The following TKFC variants were observed in gnomAD, a reference collection of about 807,000 sequenced individuals.
The protein encoded by TKFC is triokinase/FMN cyclase.
Under a neutral mutation model 61.0 loss-of-function variants are expected in TKFC, and 46 were observed. The observed-to-expected ratio is 0.75, with a 90% CI of 0.60 to 0.96. The LOEUF is 0.96. TKFC is among the 50% of genes least tolerant of loss of function. The pLI is 0.00. For synonymous variants in TKFC, 314 were observed against 330.1 expected (o/e 0.95, Z 0.53); for missense variants, 715 against 777.5 (o/e 0.92, Z 0.96).
chr11:61,349,758 C>G (rs1039130122), downstream of TKFC: 1 of 658,944 alleles, frequency 1.5e-6, no homozygotes, highest in African/African-American at 1.8e-5. Context: ...CCGCCACTCC[C>G]CCTTTCTGCA....
chr11:61,352,098 A>G (rs1021167361), downstream of TKFC: 1 of 152,248 alleles, frequency 6.6e-6, no homozygotes. Flanking sequence ...CCAAAGTTGC[A>G]TAACTAGTAA....
downstream of TKFC, chr11:61,350,251 G>A (rs756810006): frequency 5.2e-5 from 55 of 1,052,618 alleles, no homozygotes; most frequent in Non-Finnish European, 6.7e-5. Flanking sequence ...GCCGGAGAGG[G>A]CAGGCCAGCA....
intron 3 of TKFC, 55 bp downstream of exon 3, chr11:61,338,185 G>T (rs1856696184): frequency 4.1e-6 from 6 of 1,468,530 alleles, no homozygotes; most frequent in Non-Finnish European, 5.4e-6. Flanking sequence ...GGGCCTCCTG[G>T]GGGATCCTTA....
rs1384231841 is a variant in TKFC at position 61,347,131 on chromosome 11, G to A, written c.*628G>A. The A allele has an allele frequency of 3.0e-6, 3 of 985,452 alleles. No homozygotes were observed. The highest frequency in any genetic ancestry group is 3.6e-6 in the Non-Finnish European group (3 of 829,980). The allele number at this position is 985,452 out of a possible 1,614,324, so 61.0% of individuals were successfully genotyped here. ...ACACCTGATGCATGTAAGAATGGTAGAGGGGCTTTTCTTAGCATTGAATTA... is the reference window on the plus strand; with the variant it reads ...ACACCTGATGCATGTAAGAATGGTAAAGGGGCTTTTCTTAGCATTGAATTA... On this transcript the variant is annotated 3_prime_UTR_variant, in exon 18 of 18. Transcript: ENST00000394900.
At chr11:61,349,932 T>C, downstream of TKFC, 2 of 492,548 alleles carry the variant, frequency 4.1e-6, no homozygotes, top group Non-Finnish European at 7.4e-6. Context: ...TGGACTGCAC[T>C]TGAGTCCCAG....
chr11:61,337,913 T>A, intron 2 of TKFC, 28 bp from the exon 3 acceptor site: 1 of 1,580,246 alleles, frequency 6.3e-7, no homozygotes. Context: ...GACCACATTC[T>A]GACCTCCTTC....
At position 61,343,489 on chromosome 11, in the gene TKFC, C is replaced by T. The variant is rs371249345; in HGVS notation, c.982+31C>T. On this transcript the variant is annotated intron_variant, in intron 11 of 17. Transcript: ENST00000394900. ...ACTTGGAACCTGGGGTCACCCAAGC[C>T]AGGGCTCCTTGTAACTGGAAGGAGC... is the stretch of plus-strand genomic sequence containing the variant. 8 of 1,596,310 alleles carry T rather than the reference C, an allele frequency of 5.0e-6. No homozygotes were observed. In the African/African-American group the frequency reaches 1.1e-4, roughly 21 times the overall value.
intron 10 of TKFC, 22 bp downstream of exon 10, chr11:61,342,866 G>T: frequency 6.2e-7 from 1 of 1,612,092 alleles, no homozygotes; most frequent in Non-Finnish European, 8.5e-7. Flanking sequence ...ACTGGGAAGG[G>T]GATCCTACAG....
chr11:61,334,330 T>C (rs1856512319), intron 1 of TKFC: 1 of 173,266 alleles, frequency 5.8e-6, no homozygotes, highest in South Asian at 1.4e-4. Context: ...GATGCCCGTG[T>C]AAAAGATAGT....
Position 61,348,648 on chromosome 11 carries a change from G to A in TKFC, c.*2145G>A, listed in dbSNP as rs577290536. On this transcript the variant is annotated 3_prime_UTR_variant, in exon 18 of 18. Coordinates refer to ENST00000394900, the MANE Select transcript of TKFC (RefSeq NM_015533.4). The stretch of plus-strand genomic sequence containing the variant: ...CCACCATGTGAGGTTATGGTGAGAA[G>A]ATGGTCTCTGAGGAAGCTGGCCCTT... 7.8e-4 allele frequency: 265 copies of A among 341,766 alleles called. 1 individual carries two copies. The highest frequency in any genetic ancestry group is 1.5e-3 in the Middle Eastern group (1 of 682). 21.2% of individuals were successfully genotyped at this position (341,766 alleles called of 1,614,324 possible).
chr11:61,333,297 T>C lies in TKFC; in HGVS notation c.-142T>C. On this transcript the variant is annotated 5_prime_UTR_variant, in exon 1 of 18. It removes an upstream start codon present in the reference 5' UTR. Coordinates refer to ENST00000394900, the MANE Select transcript of TKFC (RefSeq NM_015533.4). ...TCCGGGAAGTCGCGGCGCCTTCGGA[T>C]GTGGCGGATGCGGCCGTGAGCCGGC... 2 of 227,294 alleles carry C rather than the reference T, an allele frequency of 8.8e-6. No homozygotes were observed. Among genetic ancestry groups the C allele is most frequent in the Non-Finnish European group, 1.7e-5 (2 of 117,120 alleles). 14.1% of individuals were successfully genotyped at this position (227,294 alleles called of 1,614,324 possible). A position where few individuals can be genotyped will look rare whatever the true frequency, so the allele number is the denominator to read the frequency against.
At position 61,338,053 on chromosome 11, in the gene TKFC, G is replaced by A. The variant is rs779620265; in HGVS notation, c.116G>A (p.Arg39His). 1.6e-5 allele frequency: 26 copies of A among 1,612,458 alleles called. No individual in the cohort carries two copies. Among genetic ancestry groups the A allele is most frequent in the African/African-American group, 8.0e-5 (6 of 74,878 alleles). Reference sequence around the variant, plus strand: ...CTGCAGGGCCACCGCGTGGCCCTCCGTTCTGACCTGGACAGCCTCAAGGGC... The same window carrying A: ...CTGCAGGGCCACCGCGTGGCCCTCCATTCTGACCTGGACAGCCTCAAGGGC... ...QLLQGHRVAL[R>H]SDLDSLKGRV... Residue 39 changes from arginine to histidine, a missense_variant, in exon 3 of 18, where the codon CGT (arginine) becomes CAT (histidine). Coordinates refer to ENST00000394900, the MANE Select transcript of TKFC (RefSeq NM_015533.4).
At chr11:61,336,937 G>A (rs1013308392) in intron 2 of TKFC, among the ~76,000 whole-genome samples, 2 of 152,036 alleles carry the variant, frequency 1.3e-5, no homozygotes, top group African/African-American at 4.8e-5. Context: ...GGCTGGAAGA[G>A]CCTCCCTTTT....
chr11:61,342,002 C>A, intron 7 of TKFC, 90 bp downstream of exon 7: 2 of 1,266,716 alleles, frequency 1.6e-6, no homozygotes, highest in Non-Finnish European at 2.2e-6. Flanking sequence ...TCAACCTGGT[C>A]CTCTCCCCAG....
At position 61,341,832 on chromosome 11, in the gene TKFC, G is replaced by A. The variant is rs760193931; in HGVS notation, c.575G>A (p.Gly192Glu). The change falls in exon 7 of 18, where the codon GGG (glycine) becomes GAG (glutamate). Residue 192 changes from glycine to glutamate, a missense_variant. Physicochemically the swap from Gly to Glu is moderately conservative, Grantham distance 98. Coordinates refer to ENST00000394900, the MANE Select transcript of TKFC (RefSeq NM_015533.4). ...NVVAKAMGTL[G>E]VSLSSCSVPG... ...GCCTTGTTTCTCATAGGTACCCTGG[G>A]GGTGAGCTTATCCTCCTGCAGCGTC... 8 of 1,613,942 alleles carry A rather than the reference G, an allele frequency of 5.0e-6. No individual in the cohort carries two copies. The South Asian group carries it at 7.7e-5, about 16-fold the overall frequency.
At position 61,346,578 on chromosome 11, in the gene TKFC, C is replaced by G; in HGVS notation, c.*75C>G. 4.0e-6 allele frequency: 6 copies of G among 1,511,216 alleles called. No individual in the cohort carries two copies. The highest frequency in any genetic ancestry group is 5.3e-6 in the Non-Finnish European group (6 of 1,133,876). 93.6% of individuals were successfully genotyped at this position (1,511,216 alleles called of 1,614,324 possible). A position where few individuals can be genotyped will look rare whatever the true frequency, so the allele number is the denominator to read the frequency against. On this transcript the variant is annotated 3_prime_UTR_variant, in exon 18 of 18. Transcript: ENST00000394900. The surrounding 1 kb of genome is among the most constrained non-coding windows in gnomAD (Gnocchi z 4.1). ...GGTGGCCTTTGTCACTTCCTTCTGC[C>G]TTCCAACCCTCACCTTCCCCCGGCC... is the stretch of plus-strand genomic sequence containing the variant.
chr11:61,343,384 TC>T lies in TKFC; in HGVS notation c.909del (p.Phe303LeufsTer22). On this transcript the variant is annotated frameshift_variant, in exon 11 of 18. Transcript: ENST00000394900. LOFTEE classifies it high-confidence loss of function. ...ATTGCCCGTGCCCTGGTGGGCACCTTCATGTCAGCACTGGAGATGCCTGGCA... is the reference window on the plus strand; with the variant it reads ...ATTGCCCGTGCCCTGGTGGGCACCTTATGTCAGCACTGGAGATGCCTGGCA... ...VKIARALVGT[F>X]MSALEMPGIS... The T allele has an allele frequency of 1.2e-6, 2 of 1,614,184 alleles. No individual in the cohort carries two copies. Among genetic ancestry groups the T allele is most frequent in the Non-Finnish European group, 1.7e-6 (2 of 1,180,016 alleles).
At chr11:61,352,975 C>T (rs780168879), downstream of TKFC, 3 of 1,614,056 alleles carry the variant, frequency 1.9e-6, no homozygotes, top group African/African-American at 2.7e-5. Context: ...GGGGACCCCA[C>T]TGCACTCACA....
In TKFC at chr11:61,333,251, G is replaced by A. The variant is rs927785617; in HGVS notation, c.-188G>A. 96 of 314,066 alleles carry A rather than the reference G, an allele frequency of 3.1e-4. No homozygotes were observed. The East Asian group carries it at 4.4e-3, about 15-fold the overall frequency. The allele number at this position is 314,066 out of a possible 1,614,324, so 19.5% of individuals were successfully genotyped here. A position where few individuals can be genotyped will look rare whatever the true frequency, so the allele number is the denominator to read the frequency against. The stretch of plus-strand genomic sequence containing the variant: ...CCGCCAGCGCCCGCAGGACCCGGAT[G>A]AGAGCGCACGCTTCGGGGTCTCCGG... On this transcript the variant is annotated 5_prime_UTR_variant, in exon 1 of 18. An upstream start codon of the reference 5' UTR is lost. Transcript: ENST00000394900.
Sources: gnomAD v4.1 joint callset for allele counts (sites outside exome capture counted in the v4.1 genomes callset) on GRCh38, gnomAD v4.1.1 for gene constraint, Gnocchi (gnomAD v3.1) non-coding constraint, MANE v1.5 for transcripts, NCBI Gene and HGNC (gene_info 2026-07-23, HGNC 2026-07-21) for gene names.